Variants in SLC24A2 observed in about 807,000 individuals in gnomAD.
The protein encoded by SLC24A2 is solute carrier family 24 member 2, also known as sodium/potassium/calcium exchanger 2.
A neutral mutation model predicts 62.0 loss-of-function variants in SLC24A2; 36 were observed. The observed-to-expected ratio is 0.58, with a 90% CI of 0.44 to 0.77. The LOEUF (loss-of-function observed/expected upper bound fraction) is 0.77. Ranked by LOEUF, SLC24A2 falls within the 30% of genes least tolerant of loss-of-function variation. SLC24A2 has a pLI of 0.00. For synonymous variants in SLC24A2, 358 were observed against 294.0 expected (o/e 1.22, Z -2.23); for missense variants, 846 against 817.9 (o/e 1.03, Z -0.42).
In SLC24A2 at chr9:19,514,881, C is replaced by T. The variant is rs1832865195; in HGVS notation, c.*1272G>A. The T allele has an allele frequency of 6.6e-6, 1 of 152,194 alleles. No homozygotes were observed. The highest frequency in any genetic ancestry group is 1.5e-5 in the Non-Finnish European group (1 of 68,036). 9.4% of individuals were successfully genotyped at this position (152,194 alleles called of 1,614,324 possible). A position where few individuals can be genotyped will look rare whatever the true frequency, so the allele number is the denominator to read the frequency against. Reference sequence around the variant, plus strand: ...CATCGCTAAGTTGCCTCAACCCAAGCAGTGCTGATCAGAGTTAAGTTAGTG... The same window carrying T: ...CATCGCTAAGTTGCCTCAACCCAAGTAGTGCTGATCAGAGTTAAGTTAGTG... On this transcript the variant is annotated 3_prime_UTR_variant, in exon 11 of 11. Coordinates refer to ENST00000341998, the MANE Select transcript of SLC24A2 (RefSeq NM_020344.4).
At chr9:19,846,144 T>G in the SLC24A2 span, among the ~76,000 whole-genome samples, 4 of 152,210 alleles carry the variant, frequency 2.6e-5, no homozygotes, top group African/African-American at 9.6e-5. Flanking sequence ...CAGAATTTCT[T>G]TGTTAGTTTT....
intron 7 of SLC24A2, among the ~76,000 whole-genome samples, chr9:19,560,253 C>A (rs969745102): frequency 1.3e-5 from 2 of 152,100 alleles, no homozygotes; most frequent in African/African-American, 4.8e-5. Context: ...TTACTCAACT[C>A]TGATGTCAGT....
the SLC24A2 span, among the ~76,000 whole-genome samples, chr9:20,249,495 A>C: frequency 6.6e-6 from 1 of 152,104 alleles, no homozygotes; most frequent in African/African-American, 2.4e-5. Flanking sequence ...CACCTGGGCC[A>C]GGAGTTCAAG....
intron 2 of SLC24A2, among the ~76,000 whole-genome samples, chr9:19,673,924 CTTG>C (rs145258422): frequency 6.6e-6 from 1 of 152,130 alleles, no homozygotes; most frequent in African/African-American, 2.4e-5. Flanking sequence ...GCCTGAATAT[CTTG>C]TTGTTTATTT....
chr9:19,793,595 T>C (rs1823344933), upstream of SLC24A2, among the ~76,000 whole-genome samples: 1 of 152,240 alleles, frequency 6.6e-6, no homozygotes. Context: ...GAGTGTTTGC[T>C]AATCTCTTTT....
intron 5 of SLC24A2, among the ~76,000 whole-genome samples, chr9:19,594,239 GTTA>G (rs1836640943): frequency 6.6e-6 from 1 of 151,932 alleles, no homozygotes; most frequent in African/African-American, 2.4e-5. Context: ...ATTGCCGTGT[GTTA>G]TTTTTTCCCC....
chr9:20,201,604 T>C, the SLC24A2 span, among the ~76,000 whole-genome samples: 1 of 152,210 alleles, frequency 6.6e-6, no homozygotes, highest in Non-Finnish European at 1.5e-5. Flanking sequence ...TGAAAGCATA[T>C]TGAATTTGTC....
the SLC24A2 span, among the ~76,000 whole-genome samples, chr9:20,277,031 C>T: frequency 6.6e-6 from 1 of 152,162 alleles, no homozygotes; most frequent in Non-Finnish European, 1.5e-5. Context: ...AGACATGTTC[C>T]CCATTGTCTT....
At chr9:20,225,438 T>A in the SLC24A2 span, among the ~76,000 whole-genome samples, 136 of 149,600 alleles carry the variant, frequency 9.1e-4, 1 homozygote, top group Non-Finnish European at 1.4e-3. Flanking sequence ...GCAGGAATTT[T>A]CACTTGTATC....
At chr9:19,672,872 A>C (rs1819457451) in intron 2 of SLC24A2, among the ~76,000 whole-genome samples, 1 of 146,226 alleles carries the variant, frequency 6.8e-6, no homozygotes, top group African/African-American at 2.7e-5. Flanking sequence ...TTGATTTCCA[A>C]TTTTATTCCA....
At position 19,508,303 on chromosome 9, in the gene SLC24A2, A is replaced by G. The variant is rs1338332910; in HGVS notation, c.*7850T>C. 1 of 152,140 alleles carries G rather than the reference A, an allele frequency of 6.6e-6. No individual in the cohort carries two copies. The highest frequency in any genetic ancestry group is 1.5e-5 in the Non-Finnish European group (1 of 68,036). 9.4% of individuals were successfully genotyped at this position (152,140 alleles called of 1,614,324 possible). A position where few individuals can be genotyped will look rare whatever the true frequency, so the allele number is the denominator to read the frequency against. On this transcript the variant is annotated 3_prime_UTR_variant, in exon 11 of 11. Coordinates refer to ENST00000341998, the MANE Select transcript of SLC24A2 (RefSeq NM_020344.4). ...TTTAGAGAAACTCTTCAGACCACAA[A>G]ACAGCCTCTAACAGAGGAATATCAC...
At chr9:19,723,792 T>A (rs567303585) in intron 2 of SLC24A2, among the ~76,000 whole-genome samples, 33 of 152,174 alleles carry the variant, frequency 2.2e-4, no homozygotes, top group African/African-American at 7.2e-4. Flanking sequence ...TAGCAAAATT[T>A]GCAACTCAAA....
At chr9:19,738,617 T>C (rs1821579062) in intron 2 of SLC24A2, among the ~76,000 whole-genome samples, 1 of 152,172 alleles carries the variant, frequency 6.6e-6, no homozygotes, top group Non-Finnish European at 1.5e-5. Flanking sequence ...TCAAATAAAC[T>C]ATTTGAATTA....
intron 5 of SLC24A2, among the ~76,000 whole-genome samples, chr9:19,590,443 A>C (rs1836516551): frequency 6.6e-6 from 1 of 152,086 alleles, no homozygotes; most frequent in Admixed American, 6.6e-5. Context: ...GAAAAGTGGC[A>C]GCTGCCTGCT....
chr9:19,839,282 C>T, the SLC24A2 span, among the ~76,000 whole-genome samples: 4 of 152,148 alleles, frequency 2.6e-5, no homozygotes, highest in Non-Finnish European at 5.9e-5. Context: ...AACAATTTTA[C>T]ACTGTTGGTG....
the SLC24A2 span, among the ~76,000 whole-genome samples, chr9:20,214,697 GT>G: frequency 1.2e-4 from 18 of 152,228 alleles, no homozygotes; most frequent in East Asian, 3.5e-3. Context: ...ATGATAATAA[GT>G]TTGTTACATT....
upstream of SLC24A2, among the ~76,000 whole-genome samples, chr9:19,791,942 A>G (rs576606393): frequency 6.6e-6 from 1 of 152,376 alleles, no homozygotes; most frequent in East Asian, 1.9e-4. Context: ...TATAGTTTAT[A>G]GGAGTAATTG....
At chr9:20,118,397 C>T in the SLC24A2 span, among the ~76,000 whole-genome samples, 2 of 151,996 alleles carry the variant, frequency 1.3e-5, no homozygotes, top group Non-Finnish European at 2.9e-5. Context: ...AAACTAGAAA[C>T]ATTATGAAAG....
chr9:19,651,265 C>T (rs1818793233), intron 2 of SLC24A2, among the ~76,000 whole-genome samples: 1 of 152,186 alleles, frequency 6.6e-6, no homozygotes, highest in Admixed American at 6.5e-5. Flanking sequence ...TTAGGTACTA[C>T]TCATTGTTTT....
Sources: gnomAD v4.1 joint callset for allele counts (sites outside exome capture counted in the v4.1 genomes callset) on GRCh38, gnomAD v4.1.1 for gene constraint, MANE v1.5 for transcripts, NCBI Gene and HGNC (gene_info 2026-07-23, HGNC 2026-07-21) for gene names.